SH3PXD2A: variants seen among roughly 807,000 people sequenced by gnomAD.
SH3PXD2A encodes the protein SH3 and PX domain-containing protein 2A.
Under a neutral mutation model 115.2 loss-of-function variants are expected in SH3PXD2A, and 32 were observed. The observed-to-expected ratio is 0.28, with a 90% CI of 0.21 to 0.37. The LOEUF is 0.37. Ranked by LOEUF, SH3PXD2A falls within the 10% of genes least tolerant of loss-of-function variation. The probability of loss-of-function intolerance (pLI) is 1.00; values close to 1 mark genes in which losing one functional copy is unlikely to be tolerated. For synonymous variants in SH3PXD2A, 610 were observed against 629.1 expected (o/e 0.97, Z 0.45); for missense variants, 1,328 against 1,498.7 (o/e 0.89, Z 1.88).
chr10:103,739,344 T>C (rs1187145580), intron 3 of SH3PXD2A, among the ~76,000 whole-genome samples: 1 of 152,170 alleles, frequency 6.6e-6, no homozygotes, highest in African/African-American at 2.4e-5. Flanking sequence ...ACAAGCCAAT[T>C]CCCAGCTGAG....
At chr10:103,735,969 G>A (rs1014937015) in intron 3 of SH3PXD2A, among the ~76,000 whole-genome samples, 161 bp from the exon 4 acceptor site, 16 of 152,198 alleles carry the variant, frequency 1.1e-4, no homozygotes, top group Admixed American at 6.5e-4. Flanking sequence ...ACCTTTCCTG[G>A]AGGGCAGGAG....
chr10:103,792,691 A>T (rs728713), intron 2 of SH3PXD2A, among the ~76,000 whole-genome samples: 2 of 152,094 alleles, frequency 1.3e-5, no homozygotes, highest in Admixed American at 6.6e-5. Context: ...GCCCTGGAGC[A>T]CATGCCCTTA....
intron 3 of SH3PXD2A, among the ~76,000 whole-genome samples, chr10:103,752,803 G>A (rs2038593673): frequency 6.6e-6 from 1 of 152,160 alleles, no homozygotes; most frequent in Admixed American, 6.5e-5. Context: ...TCATTACAGA[G>A]TTACTTCATA....
rs112007943 is a variant in SH3PXD2A at position 103,828,646 on chromosome 10, C to T, written c.72+26549G>A. On this transcript the variant is annotated intron_variant, in intron 1 of 14. Coordinates refer to ENST00000369774, the MANE Select transcript of SH3PXD2A (RefSeq NM_001394015.1). Reference sequence around the variant, plus strand: ...GGAGCCCTCCTGGCTGAGATGCTGCCGAGATCCCAAGGGCAGGGCCTCTGC... The same window carrying T: ...GGAGCCCTCCTGGCTGAGATGCTGCTGAGATCCCAAGGGCAGGGCCTCTGC... 1.0e-2 allele frequency among the ~76,000 whole-genome samples: 1,518 copies of T among 152,270 alleles called. 12 individuals are homozygous for T. The highest frequency in any genetic ancestry group is 0.024 in the Middle Eastern group (7 of 294).
rs2036428229 is a variant in SH3PXD2A at position 103,611,520 on chromosome 10, G to A, written c.1308+61C>T. On this transcript the variant is annotated intron_variant, in intron 13 of 14. Transcript: ENST00000369774. ...CTGCCGCAAGATAGCCAATTGATCG[G>A]GTGGCTATAGCGCATTCACAGAAAA... 2.8e-6 allele frequency: 4 copies of A among 1,419,806 alleles called. No homozygotes were observed. In the Admixed American group the frequency reaches 6.7e-5, roughly 24 times the overall value. 88.0% of individuals were successfully genotyped at this position (1,419,806 alleles called of 1,614,324 possible).
chr10:103,638,813 C>T (rs1421398036), intron 8 of SH3PXD2A, among the ~76,000 whole-genome samples: 1 of 152,250 alleles, frequency 6.6e-6, no homozygotes, highest in African/African-American at 2.4e-5. Flanking sequence ...ACCAAGACCT[C>T]AATGCGCCTG....
In SH3PXD2A at chr10:103,669,464, C is replaced by A. The variant is rs138368028; in HGVS notation, c.428-812G>T. On this transcript the variant is annotated intron_variant, in intron 6 of 14. Transcript: ENST00000369774. ...TGATACCATTAACATCTGAATGAGG[C>A]AGAAAGCTCTTGGTCTAATCAATGG... is the stretch of plus-strand genomic sequence containing the variant. Among the ~76,000 whole-genome samples, 194 of 152,330 alleles carry A rather than the reference C, an allele frequency of 1.3e-3. 1 individual carries two copies. Among genetic ancestry groups the A allele is most frequent in the Admixed American group, 2.9e-3 (44 of 15,304 alleles).
At chr10:103,773,737 A>C (rs948180286) in intron 2 of SH3PXD2A, among the ~76,000 whole-genome samples, 1 of 151,994 alleles carries the variant, frequency 6.6e-6, no homozygotes, top group Admixed American at 6.6e-5. Context: ...TACTGTGCCC[A>C]GCCTTCTTTT....
chr10:103,674,872 A>T (rs142619977), intron 6 of SH3PXD2A, among the ~76,000 whole-genome samples: 13 of 152,252 alleles, frequency 8.5e-5, no homozygotes, highest in Non-Finnish European at 1.3e-4. Context: ...CAAAACAAAA[A>T]AACAAAAACA....
chr10:103,708,738 C>A (rs867904371), intron 5 of SH3PXD2A, among the ~76,000 whole-genome samples: 5 of 152,186 alleles, frequency 3.3e-5, no homozygotes, highest in Non-Finnish European at 7.3e-5. Context: ...AACCAAGATG[C>A]CTGAATTTCC....
chr10:103,792,531 CTG>C (rs1408618974), intron 2 of SH3PXD2A, among the ~76,000 whole-genome samples: 1 of 152,172 alleles, frequency 6.6e-6, no homozygotes, highest in Non-Finnish European at 1.5e-5. Flanking sequence ...TTTATATGGA[CTG>C]TGTCATTTTA....
chr10:103,809,554 G>T (rs1488423455), intron 1 of SH3PXD2A, among the ~76,000 whole-genome samples: 1 of 152,160 alleles, frequency 6.6e-6, no homozygotes, highest in Non-Finnish European at 1.5e-5. Context: ...AATGGCAAAT[G>T]CCTCTACAGT....
intron 7 of SH3PXD2A, among the ~76,000 whole-genome samples, chr10:103,662,306 C>T (rs2037317562): frequency 7.9e-6 from 1 of 126,912 alleles, no homozygotes; most frequent in African/African-American, 3.1e-5. Context: ...CTGCTTAAAC[C>T]TCTGCACTTC....
chr10:103,810,952 G>GCGCGCACACACACACA (rs549107444), intron 1 of SH3PXD2A, among the ~76,000 whole-genome samples: 6 of 19,872 alleles, frequency 3.0e-4, no homozygotes, highest in African/African-American at 6.0e-4. Flanking sequence ...GCGCGCGCGC[G>GCGCGCACACACACACA]CACACACACA....
intron 7 of SH3PXD2A, among the ~76,000 whole-genome samples, chr10:103,661,402 A>C (rs2037299404): frequency 6.6e-6 from 1 of 152,236 alleles, no homozygotes; most frequent in African/African-American, 2.4e-5. Context: ...GCGGAGGCGG[A>C]GGCCAAGGAA....
rs116836746 is a variant in SH3PXD2A at position 103,706,808 on chromosome 10, C to G, written c.399-13752G>C. 4.4e-3 allele frequency among the ~76,000 whole-genome samples: 677 copies of G among 152,288 alleles called. 8 individuals are homozygous for G. Among genetic ancestry groups the G allele is most frequent in the African/African-American group, 0.015 (635 of 41,554 alleles). ...ATCTCTGCTCTCCCCTCCTTTCCCC[C>G]CCGAGTAGAGCTCAGTGGAAGTGCC... is the stretch of plus-strand genomic sequence containing the variant. On this transcript the variant is annotated intron_variant, in intron 5 of 14. Coordinates refer to ENST00000369774, the MANE Select transcript of SH3PXD2A (RefSeq NM_001394015.1).
intron 4 of SH3PXD2A, among the ~76,000 whole-genome samples, chr10:103,728,977 C>T (rs536903614): frequency 6.6e-6 from 1 of 151,690 alleles, no homozygotes; most frequent in Admixed American, 6.6e-5. Flanking sequence ...ACTGCAGCCT[C>T]CCCCTCGCCG....
At chr10:103,663,350 C>T (rs1336278568) in intron 7 of SH3PXD2A, among the ~76,000 whole-genome samples, 1 of 152,256 alleles carries the variant, frequency 6.6e-6, no homozygotes, top group Admixed American at 6.5e-5. Context: ...AGAGGCCCCT[C>T]TACAGCAGGC....
intron 10 of SH3PXD2A, among the ~76,000 whole-genome samples, chr10:103,622,003 T>A (rs1447274972): frequency 5.3e-5 from 8 of 152,202 alleles, no homozygotes; most frequent in Non-Finnish European, 1.2e-4. Context: ...CCAGTCCTTC[T>A]TTCTGCTTTG....
Sources: allele counts gnomAD v4.1 joint callset (sites outside exome capture counted in the v4.1 genomes callset), GRCh38; gene constraint gnomAD v4.1.1; transcripts MANE v1.5; gene names NCBI Gene and HGNC (gene_info 2026-07-23, HGNC 2026-07-21).